Variants in VPS13D observed in about 807,000 individuals in gnomAD.
VPS13D encodes the protein vacuolar protein sorting 13 homolog D, also known as intermembrane lipid transfer protein VPS13D.
VPS13D carries 187 observed loss-of-function variants against 461.9 expected under a neutral mutation model. The observed-to-expected ratio is 0.40, with a 90% confidence interval of 0.36 to 0.46. The LOEUF is 0.46. Among genes scored for constraint, VPS13D ranks in the 20% least tolerant of loss-of-function variants. The probability of loss-of-function intolerance (pLI) is 0.60; values close to 1 mark genes in which losing one functional copy is unlikely to be tolerated. For synonymous variants in VPS13D, 1,951 were observed against 1,986.3 expected (o/e 0.98, Z 0.47); for missense variants, 4,711 against 5,364.9 (o/e 0.88, Z 3.81).
chr1:12,339,211 A>G (rs75391294), intron 40 of VPS13D, among the ~76,000 whole-genome samples: 5 of 152,278 alleles, frequency 3.3e-5, no homozygotes, highest in African/African-American at 7.2e-5. Flanking sequence ...TAAGCTTTCT[A>G]TATGTTACTT....
chr1:12,504,311 T>G lies in VPS13D; in HGVS notation c.12795-2542T>G, dbSNP rs148368086. ...CCCAGTTCCAGCTGTGGCCTCACTC[T>G]CTCCCTTCTCCTTCTTCAGCCAGAC... On this transcript the variant is annotated intron_variant, in intron 68 of 69. Coordinates refer to ENST00000620676, the MANE Select transcript of VPS13D (RefSeq NM_015378.4). Among the ~76,000 whole-genome samples, 789 of 152,244 alleles carry G rather than the reference T, an allele frequency of 5.2e-3. 6 individuals carry two copies. The highest frequency in any genetic ancestry group is 0.017 in the African/African-American group (714 of 41,526).
At chr1:12,360,732 TTG>T (rs1643935057) in intron 50 of VPS13D, among the ~76,000 whole-genome samples, 1 of 152,224 alleles carries the variant, frequency 6.6e-6, no homozygotes, top group African/African-American at 2.4e-5. Flanking sequence ...AGAGAGATTT[TTG>T]TGTGTGACTT....
In VPS13D at chr1:12,299,843, G is replaced by A. The variant is rs1317838719; in HGVS notation, c.6216+459G>A. ...GGTTTACTTGAAGCCATTTAAAAAT[G>A]TCTTAATAATAACATCTGTACAGTA... On this transcript the variant is annotated intron_variant, in intron 25 of 69. Coordinates refer to ENST00000620676, the MANE Select transcript of VPS13D (RefSeq NM_015378.4). This position sits in a 1 kb window ranked among gnomAD's most constrained non-coding sequence, Gnocchi z 4.2. 6.6e-6 allele frequency among the ~76,000 whole-genome samples: 1 copy of A among 150,426 alleles called. No individual in the cohort carries two copies. The highest frequency in any genetic ancestry group is 1.5e-5 in the Non-Finnish European group (1 of 67,778).
chr1:12,256,639 G>A, intron 8 of VPS13D, 136 bp downstream of exon 8: 1 of 960,632 alleles, frequency 1.0e-6, no homozygotes, highest in Non-Finnish European at 1.5e-6. Flanking sequence ...GTTGTGTTAG[G>A]TATAAAACTC....
At chr1:12,386,780 T>C (rs1271795516) in intron 60 of VPS13D, among the ~76,000 whole-genome samples, 1 of 152,162 alleles carries the variant, frequency 6.6e-6, no homozygotes, top group Non-Finnish European at 1.5e-5. Flanking sequence ...ATTGAGACAC[T>C]GGACATCAGA....
chr1:12,319,476 TG>T lies in VPS13D; in HGVS notation c.7415-20del, dbSNP rs973070628. 1 of 1,613,740 alleles carries T rather than the reference TG, an allele frequency of 6.2e-7. No homozygotes were observed. The highest frequency in any genetic ancestry group is 8.5e-7 in the Non-Finnish European group (1 of 1,179,742). On this transcript the variant is annotated intron_variant, in intron 31 of 69. Transcript: ENST00000620676. ...TCCAGCTTCCCAGCTCTGGCTTGAT[TG>T]ACGACGTTGTCCTTTCCAGGTACGG...
rs1363142829 is a variant in VPS13D at position 12,416,750 on chromosome 1, A to G, written c.12256A>G (p.Thr4086Ala). The G allele has an allele frequency of 6.2e-7, 1 of 1,614,096 alleles. No individual in the cohort carries two copies. Among genetic ancestry groups the G allele is most frequent in the Admixed American group, 1.7e-5 (1 of 60,020 alleles). Residue 4086 changes from threonine (T) to alanine (A), a missense_variant, in exon 65 of 70, where the codon ACT becomes GCT. Physicochemically the swap from Thr to Ala is moderately conservative, Grantham distance 58. Around this residue, in one of 3 missense-constraint regions of VPS13D, gnomAD observed 106 missense variants for 206.2 expected, o/e 0.51. Coordinates refer to ENST00000620676, the MANE Select transcript of VPS13D (RefSeq NM_015378.4). ...GLLNDVSEGVTGLIKYGNVGG... is the reference protein window; with the variant it reads ...GLLNDVSEGVAGLIKYGNVGG... ...TTTGAATGATGTTTCTGAAGGGGTT[A>G]CTGGACTGATAAAATATGGAAATGT...
intron 1 of VPS13D, among the ~76,000 whole-genome samples, chr1:12,231,814 C>T (rs530579057): frequency 2.0e-5 from 3 of 152,216 alleles, no homozygotes; most frequent in African/African-American, 7.2e-5. Flanking sequence ...ATGATGAAAC[C>T]CTGTCTCTAC....
chr1:12,505,820 C>T lies in VPS13D; in HGVS notation c.12795-1033C>T, dbSNP rs1646097912. 6.6e-6 allele frequency among the ~76,000 whole-genome samples: 1 copy of T among 152,162 alleles called. No individual in the cohort carries two copies. The highest frequency in any genetic ancestry group is 2.1e-4 in the South Asian group (1 of 4,828). ...TAGAGAAGTTGGGAGAGCAGGTGTG[C>T]GTCCTGCACGGACCCCAAGTGAGCG... On this transcript the variant is annotated intron_variant, in intron 68 of 69. Coordinates refer to ENST00000620676, the MANE Select transcript of VPS13D (RefSeq NM_015378.4). This position sits in a 1 kb window ranked among gnomAD's most constrained non-coding sequence, Gnocchi z 4.2.
intron 30 of VPS13D, among the ~76,000 whole-genome samples, chr1:12,317,820 C>T (rs1425987103): frequency 6.6e-6 from 1 of 152,038 alleles, no homozygotes; most frequent in African/African-American, 2.4e-5. Flanking sequence ...GCTATACTAC[C>T]TATGCTGCTT....
chr1:12,508,265 C>A (rs1646138941), intron 69 of VPS13D, among the ~76,000 whole-genome samples: 1 of 152,204 alleles, frequency 6.6e-6, no homozygotes, highest in Admixed American at 6.5e-5. Context: ...TTCGCTGATT[C>A]TTCTTCCTTC....
rs572260636 is a variant in VPS13D, at chr1:12,347,520, G to A, written c.9069+868G>A. Among the ~76,000 whole-genome samples, 4 of 152,240 alleles carry A rather than the reference G, an allele frequency of 2.6e-5. No homozygotes were observed. The East Asian group carries it at 7.7e-4, about 29-fold the overall frequency. On this transcript the variant is annotated intron_variant, in intron 44 of 69. Coordinates refer to ENST00000620676, the MANE Select transcript of VPS13D (RefSeq NM_015378.4). ...CTTTGACTATTGGGGCCTTTTTTGGGTTGGGTCACTGGAAGCTGGAGCTTC... is the reference window on the plus strand; with the variant it reads ...CTTTGACTATTGGGGCCTTTTTTGGATTGGGTCACTGGAAGCTGGAGCTTC...
chr1:12,340,448 C>T lies in VPS13D; in HGVS notation c.8627-1332C>T, dbSNP rs563727479. On this transcript the variant is annotated intron_variant, in intron 40 of 69. Transcript: ENST00000620676. Reference sequence around the variant, plus strand: ...TGCATTGTTTACAGTACTAACCTTTCAAAACTTTAAAAGAGGTAAGAGAAA... The same window carrying T: ...TGCATTGTTTACAGTACTAACCTTTTAAAACTTTAAAAGAGGTAAGAGAAA... Among the ~76,000 whole-genome samples, 12 of 152,166 alleles carry T rather than the reference C, an allele frequency of 7.9e-5. No homozygotes were observed. The East Asian group carries it at 2.1e-3, about 27-fold the overall frequency.
chr1:12,435,570 T>C (rs1645049196), intron 65 of VPS13D, among the ~76,000 whole-genome samples: 1 of 152,106 alleles, frequency 6.6e-6, no homozygotes, highest in African/African-American at 2.4e-5. Context: ...AACGACCCTG[T>C]GGAATGCTAG....
chr1:12,476,009 T>G (rs1379907722), intron 67 of VPS13D, among the ~76,000 whole-genome samples: 2 of 152,216 alleles, frequency 1.3e-5, no homozygotes. Context: ...AAACCCATAT[T>G]AGATGAGTAC....
chr1:12,388,528 T>A (rs552902656), intron 60 of VPS13D, among the ~76,000 whole-genome samples: 2 of 151,202 alleles, frequency 1.3e-5, no homozygotes, highest in Non-Finnish European at 2.9e-5. Context: ...GAGCCAAGAT[T>A]GTGCCACTGC....
Position 12,502,479 on chromosome 1 carries a change from CAG to C in VPS13D, c.12795-4371_12795-4370del, listed in dbSNP as rs1646048454. Among the ~76,000 whole-genome samples, 1 of 152,004 alleles carries C rather than the reference CAG, an allele frequency of 6.6e-6. No homozygotes were observed. The highest frequency in any genetic ancestry group is 1.5e-5 in the Non-Finnish European group (1 of 68,010). ...GGTCCCCTGAAGAGGGCCTGGCACT[CAG>C]AGCGACACTGGGCCCAGACATGGAG... On this transcript the variant is annotated intron_variant, in intron 68 of 69. Coordinates refer to ENST00000620676, the MANE Select transcript of VPS13D (RefSeq NM_015378.4). The surrounding 1 kb of genome is among the most constrained non-coding windows in gnomAD (Gnocchi z 4.3).
At chr1:12,436,890 A>C (rs1351819332) in intron 65 of VPS13D, among the ~76,000 whole-genome samples, 1 of 151,890 alleles carries the variant, frequency 6.6e-6, no homozygotes, top group Non-Finnish European at 1.5e-5. Context: ...CTGGTCTCGA[A>C]CTCCCGACCT....
intron 67 of VPS13D, among the ~76,000 whole-genome samples, chr1:12,485,897 C>T (rs927125093): frequency 6.6e-6 from 1 of 152,140 alleles, no homozygotes; most frequent in Admixed American, 6.5e-5. Context: ...CAGAAATGTA[C>T]CCCTTGTAGA....
Sources: allele counts gnomAD v4.1 joint callset (sites outside exome capture counted in the v4.1 genomes callset), GRCh38; gene constraint gnomAD v4.1.1; regional missense constraint gnomAD v4.1.1; non-coding constraint Gnocchi (gnomAD v3.1); transcripts MANE v1.5; gene names NCBI Gene and HGNC (gene_info 2026-07-23, HGNC 2026-07-21).